Variants in DTNB observed in about 807,000 individuals in gnomAD.
DTNB encodes DTN-B.
DTNB carries 63 observed loss-of-function variants against 90.7 expected under a neutral mutation model. The ratio of observed to expected loss-of-function variants is 0.69; its 90% CI spans 0.57 to 0.86. DTNB has a LOEUF of 0.86. DTNB is among the 40% of genes least tolerant of loss of function. The pLI, the probability that DTNB is intolerant of heterozygous loss-of-function variation, is 0.00. For synonymous variants in DTNB, 277 were observed against 286.7 expected (o/e 0.97, Z 0.34); for missense variants, 744 against 807.1 (o/e 0.92, Z 0.95).
At chr2:25,531,037 T>C (rs2078063253) in intron 9 of DTNB, among the ~76,000 whole-genome samples, 2 of 152,232 alleles carry the variant, frequency 1.3e-5, no homozygotes, top group South Asian at 4.1e-4. Context: ...TATAGTCTTA[T>C]GTTTCCTAAT....
At chr2:25,571,652 C>T (rs991503153) in intron 8 of DTNB, among the ~76,000 whole-genome samples, 19 of 152,158 alleles carry the variant, frequency 1.2e-4, no homozygotes, top group Non-Finnish European at 2.4e-4. Flanking sequence ...CCCTAAGTTC[C>T]TGACTCCACT....
Position 25,424,265 on chromosome 2 carries a change from C to T in DTNB, c.1554+3270G>A, listed in dbSNP as rs564761828. On this transcript the variant is annotated intron_variant, in intron 15 of 20. Transcript: ENST00000406818. The surrounding 1 kb of genome is among the most constrained non-coding windows in gnomAD (Gnocchi z 4.1). ...CAGACGGGTAAATGATATTTAAGAA[C>T]CTGGCAGGGGATCCTACAGGGGCAG... 3.9e-5 allele frequency among the ~76,000 whole-genome samples: 6 copies of T among 152,300 alleles called. No homozygotes were observed. The East Asian group carries it at 7.7e-4, about 20-fold the overall frequency.
At chr2:25,558,753 G>A (rs991390876) in intron 8 of DTNB, among the ~76,000 whole-genome samples, 2 of 152,186 alleles carry the variant, frequency 1.3e-5, no homozygotes, top group African/African-American at 2.4e-5. Context: ...ATTGGGCAAC[G>A]TTCAGATGAT....
intron 12 of DTNB, among the ~76,000 whole-genome samples, chr2:25,437,752 T>C (rs1229396291): frequency 3.3e-5 from 5 of 152,142 alleles, no homozygotes; most frequent in African/African-American, 1.2e-4. Flanking sequence ...ATGAAGATGA[T>C]TTCTTTCAAA....
chr2:25,635,299 C>A (rs2076907425), intron 3 of DTNB, among the ~76,000 whole-genome samples: 1 of 151,822 alleles, frequency 6.6e-6, no homozygotes, highest in Admixed American at 6.6e-5. Context: ...GGTATGGTGG[C>A]GGGCGCCTGT....
intron 15 of DTNB, among the ~76,000 whole-genome samples, chr2:25,422,553 G>A (rs1160593304): frequency 6.6e-6 from 1 of 151,860 alleles, no homozygotes; most frequent in African/African-American, 2.4e-5. Context: ...TTATAGGCAT[G>A]CACCACCACA....
intron 8 of DTNB, among the ~76,000 whole-genome samples, chr2:25,546,687 A>G (rs762378130): frequency 3.3e-5 from 5 of 152,180 alleles, no homozygotes; most frequent in Non-Finnish European, 5.9e-5. Flanking sequence ...CTGACTTTTA[A>G]TCAAGCTAAA....
intron 4 of DTNB, among the ~76,000 whole-genome samples, chr2:25,613,069 G>T (rs1467143812): frequency 3.3e-5 from 5 of 152,098 alleles, no homozygotes; most frequent in Non-Finnish European, 7.4e-5. Flanking sequence ...TTTTTATAAG[G>T]TCAGTATTAT....
At chr2:25,628,025 C>G (rs529771065) in intron 4 of DTNB, 146 bp downstream of exon 4, 1 of 840,036 alleles carries the variant, frequency 1.2e-6, no homozygotes, top group Admixed American at 2.3e-5. Flanking sequence ...TGTGAGCTAC[C>G]GTGCCCAGCC....
At chr2:25,636,524 C>T (rs552524768) in intron 3 of DTNB, among the ~76,000 whole-genome samples, 48 of 152,232 alleles carry the variant, frequency 3.2e-4, no homozygotes, top group Non-Finnish European at 5.4e-4. Flanking sequence ...TGTTCTAAGG[C>T]AGTGGTTTTC....
At chr2:25,626,810 C>T (rs549043571) in intron 4 of DTNB, among the ~76,000 whole-genome samples, 1 of 152,294 alleles carries the variant, frequency 6.6e-6, no homozygotes, top group South Asian at 2.1e-4. Context: ...AGAAGGTCTA[C>T]AGACAGCAAA....
chr2:25,526,215 A>T (rs2077052092), intron 9 of DTNB, among the ~76,000 whole-genome samples: 1 of 151,772 alleles, frequency 6.6e-6, no homozygotes, highest in South Asian at 2.1e-4. Flanking sequence ...TAATACATAG[A>T]AACTCTCATG....
intron 9 of DTNB, among the ~76,000 whole-genome samples, chr2:25,522,450 C>T (rs2076322658): frequency 1.3e-5 from 2 of 152,068 alleles, no homozygotes; most frequent in South Asian, 4.1e-4. Context: ...TCACTCAATA[C>T]ATTTTAGGTG....
intron 16 of DTNB, among the ~76,000 whole-genome samples, chr2:25,405,582 C>A (rs1449123316): frequency 6.6e-6 from 1 of 151,906 alleles, no homozygotes. Flanking sequence ...TTTTCCACCA[C>A]CAGTTTTGCT....
intron 16 of DTNB, among the ~76,000 whole-genome samples, chr2:25,396,589 G>C (rs1445478921): frequency 6.6e-6 from 1 of 151,620 alleles, no homozygotes; most frequent in Non-Finnish European, 1.5e-5. Context: ...AGGGATAAAA[G>C]ACTACACATT....
chr2:25,598,805 G>A (rs1438544471), intron 5 of DTNB: 1 of 151,988 alleles, frequency 6.6e-6, no homozygotes, highest in Non-Finnish European at 1.5e-5. Flanking sequence ...TCTCTTACCG[G>A]TGATAAGCAG....
At chr2:25,648,291 T>A (rs2079978162) in intron 2 of DTNB, among the ~76,000 whole-genome samples, 1 of 152,334 alleles carries the variant, frequency 6.6e-6, no homozygotes, top group South Asian at 2.1e-4. Flanking sequence ...ACCATCATGA[T>A]AAACAGATGT....
At chr2:25,483,030 C>T (rs2065314107) in intron 9 of DTNB, among the ~76,000 whole-genome samples, 157 bp from the exon 10 acceptor site, 1 of 150,894 alleles carries the variant, frequency 6.6e-6, no homozygotes, top group East Asian at 2.0e-4. Context: ...GAAGGGGAGG[C>T]CCATGGGGAG....
intron 5 of DTNB, chr2:25,598,748 TA>T: frequency 6.6e-6 from 1 of 152,070 alleles, no homozygotes; most frequent in South Asian, 2.1e-4. Flanking sequence ...TGGGGGGCAC[TA>T]AAGAAGAGTA....
Sources: allele counts gnomAD v4.1 joint callset (sites outside exome capture counted in the v4.1 genomes callset), GRCh38; gene constraint gnomAD v4.1.1; non-coding constraint Gnocchi (gnomAD v3.1); transcripts MANE v1.5; gene names NCBI Gene and HGNC (gene_info 2026-07-23, HGNC 2026-07-21).